TTN: variants seen among roughly 807,000 people sequenced by gnomAD.
TTN encodes titin.
Under a neutral mutation model 3,223.0 loss-of-function variants are expected in TTN, and 1,525 were observed. The observed-to-expected ratio is 0.47, with a 90% CI of 0.45 to 0.49. The LOEUF is 0.49. Ranked by LOEUF, TTN falls within the 20% of genes least tolerant of loss-of-function variation. The probability of loss-of-function intolerance (pLI) is 0.00; values close to 1 mark genes in which losing one functional copy is unlikely to be tolerated. For synonymous variants in TTN, 14,094 were observed against 15,161.0 expected (o/e 0.93, Z 5.17); for missense variants, 40,786 against 43,424.0 (o/e 0.94, Z 5.40).
chr2:178,571,989 G>T lies in TTN; in HGVS notation c.74143C>A (p.Pro24715Thr). Reference sequence around the variant, plus strand: ...TTGAACAGGAGTTTGAAGGCTGGTGGAATGACAAGATCTTTGGCGATCACT... The same window carrying T: ...TTGAACAGGAGTTTGAAGGCTGGTGTAATGACAAGATCTTTGGCGATCACT... ...VPVIAKDLVI[P>T]PAFKLLFNTF... The change falls in exon 326 of 363, where the codon CCA becomes ACA. Residue 24715 changes from proline (P) to threonine (T), a missense_variant. Transcript: ENST00000589042. 1 of 1,613,208 alleles carries T rather than the reference G, an allele frequency of 6.2e-7. No individual in the cohort carries two copies. The highest frequency in any genetic ancestry group is 1.7e-4 in the Middle Eastern group (1 of 6,052).
At chr2:178,729,968 G>A (rs779010632) in intron 62 of TTN, 23 bp from the exon 63 acceptor site, 1 of 1,603,814 alleles carries the variant, frequency 6.2e-7, no homozygotes, top group Non-Finnish European at 8.5e-7. Flanking sequence ...AAAGAATTGT[G>A]ATGTTGAATA....
chr2:178,642,436 C>CAT (rs1419855618), intron 218 of TTN, 119 bp from the exon 219 acceptor site: 3 of 752,960 alleles, frequency 4.0e-6, no homozygotes, highest in Non-Finnish European at 4.4e-6. Flanking sequence ...ATTTTCGCTG[C>CAT]ATATAAATAC....
At position 178,624,514 on chromosome 2, in the gene TTN, G is replaced by C; in HGVS notation, c.44766C>G (p.Tyr14922Ter). The C allele has an allele frequency of 6.2e-7, 1 of 1,612,708 alleles. No homozygotes were observed. Among genetic ancestry groups the C allele is most frequent in the Non-Finnish European group, 8.5e-7 (1 of 1,179,118 alleles). The change falls in exon 242 of 363, where the codon TAC becomes TAG. Residue 14922 changes from tyrosine (Y) to a stop codon, truncating the protein, a stop_gained. Coordinates refer to ENST00000589042, the MANE Select transcript of TTN (RefSeq NM_001267550.2). LOFTEE classifies it high-confidence loss of function. ...TCTTAAAATCCTTAGCATCACAAGTGTATGTTTTAATATCCTCTGGGGTAC... is the reference window on the plus strand; with the variant it reads ...TCTTAAAATCCTTAGCATCACAAGTCTATGTTTTAATATCCTCTGGGGTAC... ...HDCTPEDIKT[Y>*]TCDAKDFKTS...
rs751329439 is a variant in TTN, at chr2:178,534,344, G to GGT, written c.102269_102270dup (p.Arg34091ThrfsTer8). 11 of 1,612,358 alleles carry GGT rather than the reference G, an allele frequency of 6.8e-6. No homozygotes were observed. The highest frequency in any genetic ancestry group is 9.3e-6 in the Non-Finnish European group (11 of 1,179,808). ...TTGATCAGGGTGTGGTAATAACGCC[G>GGT]GTGTTTTAATGTTCTGATAACTTTA... On this transcript the variant is annotated frameshift_variant, in exon 358 of 363. Coordinates refer to ENST00000589042, the MANE Select transcript of TTN (RefSeq NM_001267550.2). LOFTEE classifies it high-confidence loss of function.
chr2:178,753,238 T>C, intron 46 of TTN, 58 bp from the exon 47 acceptor site: 1 of 1,337,016 alleles, frequency 7.5e-7, no homozygotes. Context: ...ATTTTCTGCA[T>C]CAATTCATGA....
chr2:178,689,881 T>C lies in TTN; in HGVS notation c.31778A>G (p.Lys10593Arg), dbSNP rs1432279234. The C allele has an allele frequency of 3.1e-6, 5 of 1,613,322 alleles. No individual in the cohort carries two copies. In the African/African-American group the frequency reaches 6.7e-5, roughly 22 times the overall value. ...AAPPKVPEVP[K>R]KPVPEEKIPV... ...AATCTTTTCTTCAGGGACAGGTTTC[T>C]TTGGCACCTCTGGGACTTAAAGTTT... is the stretch of plus-strand genomic sequence containing the variant. Residue 10593 changes from lysine to arginine, a missense_variant, in exon 122 of 363, where the codon AAG becomes AGG. Lys to Arg is a conservative substitution (Grantham distance 26). Transcript: ENST00000589042.
intron 100 of TTN, 57 bp from the exon 101 acceptor site, chr2:178,707,011 T>A (rs2075988218): frequency 6.9e-7 from 1 of 1,443,306 alleles, no homozygotes; most frequent in South Asian, 1.3e-5. Flanking sequence ...ACAATACATA[T>A]CCCCCTTTGT....
chr2:178,528,700 C>T lies in TTN; in HGVS notation c.107051G>A (p.Gly35684Glu). 1 of 1,613,578 alleles carries T rather than the reference C, an allele frequency of 6.2e-7. No individual in the cohort carries two copies. Among genetic ancestry groups the T allele is most frequent in the Non-Finnish European group, 8.5e-7 (1 of 1,179,738 alleles). ...ILTCISKTKE[G>E]IVKCQYDLTL... Reference sequence around the variant, plus strand: ...CAAATCATACTGACACTTGACGATTCCTTCCTTGGTTTTGCTTATGCAGGT... The same window carrying T: ...CAAATCATACTGACACTTGACGATTTCTTCCTTGGTTTTGCTTATGCAGGT... The change falls in exon 360 of 363, where the codon GGA becomes GAA. Residue 35684 changes from glycine to glutamate, a missense_variant. By Grantham distance (98) the Gly-to-Glu change is moderately conservative (BLOSUM62 -2). Transcript: ENST00000589042.
rs768024480 is a variant in TTN at position 178,693,645 on chromosome 2, C to T, written c.31558G>A (p.Val10520Ile). The change falls in exon 119 of 363, where the codon GTT becomes ATT. Residue 10520 changes from valine to isoleucine, a missense_variant. Transcript: ENST00000589042. ...GGTTCAACCCTTTTGGAAATGGCAA[C>T]GTGAATTTTCTCTTCAGTAACAATT... The part of the protein sequence containing the change: ...KEIVTEEKIH[V>I]AISKRVEPPP... 9 of 1,599,602 alleles carry T rather than the reference C, an allele frequency of 5.6e-6. No homozygotes were observed. Among genetic ancestry groups the T allele is most frequent in the Admixed American group, 1.7e-5 (1 of 59,428 alleles).
rs749305586 is a variant in TTN at position 178,564,609 on chromosome 2, C to T, written c.81523G>A (p.Gly27175Ser). ...GTAATAACAATGGCTTCAGGGCGAC[C>T]AGGTGGGTCACATGGATCACGAGCA... Reference protein sequence around the residue: ...FVARDPCDPPGRPEAIVITRN... With the variant: ...FVARDPCDPPSRPEAIVITRN... The change falls in exon 326 of 363, where the codon GGT (glycine) becomes AGT (serine). Residue 27175 changes from glycine (G) to serine (S), a missense_variant. Transcript: ENST00000589042. 8.1e-6 allele frequency: 13 copies of T among 1,613,356 alleles called. No homozygotes were observed. The highest frequency in any genetic ancestry group is 5.0e-5 in the Admixed American group (3 of 59,956).
chr2:178,776,125 G>A lies in TTN; in HGVS notation c.5739C>T (p.Thr1913=), dbSNP rs530291008. ...CTATCACACCTTCAGGATTTTCCGCGGTGACCTTCACTTCACCTGTGTCAT... is the reference window on the plus strand; with the variant it reads ...CTATCACACCTTCAGGATTTTCCGCAGTGACCTTCACTTCACCTGTGTCAT... ...KSYDTGEVKV[T]AENPEGVIEH... Residue 1913 remains threonine (T), a synonymous_variant, in exon 28 of 363, where the codon ACC becomes ACT. Transcript: ENST00000589042. 18 of 1,613,902 alleles carry A rather than the reference G, an allele frequency of 1.1e-5. No homozygotes were observed. The highest frequency in any genetic ancestry group is 2.2e-5 in the East Asian group (1 of 44,882).
At chr2:178,747,841 G>T in intron 47 of TTN, 1 of 1,612,930 alleles carries the variant, frequency 6.2e-7, no homozygotes, top group Non-Finnish European at 8.5e-7. Flanking sequence ...CTTCTCCAGA[G>T]GCATGAATGT....
chr2:178,575,381 G>A lies in TTN; in HGVS notation c.70751C>T (p.Thr23584Ile), dbSNP rs1444861045. 1 of 1,613,446 alleles carries A rather than the reference G, an allele frequency of 6.2e-7. No homozygotes were observed. The highest frequency in any genetic ancestry group is 8.5e-7 in the Non-Finnish European group (1 of 1,179,670). Residue 23584 changes from threonine to isoleucine, a missense_variant, in exon 326 of 363, where the codon ACC (threonine) becomes ATC (isoleucine). Coordinates refer to ENST00000589042, the MANE Select transcript of TTN (RefSeq NM_001267550.2). This position sits in a 1 kb window ranked among gnomAD's most constrained non-coding sequence, Gnocchi z 4.0. Reference sequence around the variant, plus strand: ...CACAACACATTCTAACCCTTTCACGGTTGTGATGTGGGTCCACTGGTCAGA... The same window carrying A: ...CACAACACATTCTAACCCTTTCACGATTGTGATGTGGGTCCACTGGTCAGA... The part of the protein sequence containing the change: ...KGSDQWTHIT[T>I]VKGLECVVRN...
intron 218 of TTN, chr2:178,644,338 A>C (rs1372378583): frequency 2.3e-6 from 1 of 429,356 alleles, no homozygotes. Context: ...ACAAAGATAG[A>C]CCATGTCTAT....
In TTN at chr2:178,664,498, A is replaced by AC; in HGVS notation, c.36241dup (p.Val12081GlyfsTer8). The AC allele has an allele frequency of 6.2e-7, 1 of 1,612,364 alleles. No individual in the cohort carries two copies. The highest frequency in any genetic ancestry group is 8.5e-7 in the Non-Finnish European group (1 of 1,179,532). On this transcript the variant is annotated frameshift_variant, in exon 168 of 363. Transcript: ENST00000589042. LOFTEE classifies it high-confidence loss of function. ...AACTTCAGCCCTTTGGGGAGGATGC[A>AC]CTTTCTTTTCCGGGACAACTTCTCT...
rs1433903188 is a variant in TTN at position 178,764,586 on chromosome 2, G to A, written c.9929C>T (p.Thr3310Ile). Residue 3310 changes from threonine to isoleucine, a missense_variant, in exon 42 of 363, where the codon ACC becomes ATC. By Grantham distance (89) the Thr-to-Ile change is moderately conservative. Coordinates refer to ENST00000589042, the MANE Select transcript of TTN (RefSeq NM_001267550.2). ...ACCATAGTCATTCTTGGCTTCACAG[G>A]TATAGACTGCCGCATCCTCTGGGAA... ...EAFPEDAAVY[T>I]CEAKNDYGVA... The A allele has an allele frequency of 4.3e-6, 7 of 1,614,018 alleles. No homozygotes were observed. Among genetic ancestry groups the A allele is most frequent in the South Asian group, 1.1e-5 (1 of 91,086 alleles).
In TTN at chr2:178,548,909, T is replaced by C; in HGVS notation, c.92717A>G (p.Asp30906Gly). The change falls in exon 339 of 363, where the codon GAC becomes GGC. Residue 30906 changes from aspartate to glycine, a missense_variant. Coordinates refer to ENST00000589042, the MANE Select transcript of TTN (RefSeq NM_001267550.2). This position sits in a 1 kb window ranked among gnomAD's most constrained non-coding sequence, Gnocchi z 4.3. ...VSAINGAGKG[D>G]SCEVTGTIKA... ...AATTGTGCCAGTCACTTCACAGCTG[T>C]CGCCTTTTCCAGCACCATTGATAGC... The C allele has an allele frequency of 6.2e-7, 1 of 1,613,888 alleles. No homozygotes were observed.
At position 178,547,222 on chromosome 2, in the gene TTN, C is replaced by T. The variant is rs367771286; in HGVS notation, c.94303G>A (p.Asp31435Asn). Reference protein sequence around the residue: ...MSIRWEEPYHDGGSKIIGYWV... With the variant: ...MSIRWEEPYHNGGSKIIGYWV... ...TAGCCAATGATTTTACTGCCACCAT[C>T]GTGGTAGGGTTCTTCCCAACGAATA... The change falls in exon 340 of 363, where the codon GAT becomes AAT. Residue 31435 changes from aspartate to asparagine, a missense_variant. Coordinates refer to ENST00000589042, the MANE Select transcript of TTN (RefSeq NM_001267550.2). 6.4e-5 allele frequency: 104 copies of T among 1,613,706 alleles called. No homozygotes were observed. The highest frequency in any genetic ancestry group is 8.0e-5 in the African/African-American group (6 of 74,910).
Position 178,533,323 on chromosome 2 carries a change from G to A in TTN, c.103292C>T (p.Thr34431Met), listed in dbSNP as rs192001910. 9.2e-4 allele frequency: 1,478 copies of A among 1,613,770 alleles called. 1 individual carries two copies. The highest frequency in any genetic ancestry group is 1.1e-3 in the Non-Finnish European group (1,334 of 1,179,858). The change falls in exon 358 of 363, where the codon ACG becomes ATG. Residue 34431 changes from threonine to methionine, a missense_variant. Transcript: ENST00000589042. Reference protein sequence around the residue: ...LHIRDTLPEDTGYYRVTATNT... With the variant: ...LHIRDTLPEDMGYYRVTATNT... ...AGTGGCTGTGACTCTATAATAACCC[G>A]TGTCTTCAGGCAAAGTGTCCCTGAT...
Sources: gnomAD v4.1 joint callset for allele counts on GRCh38, gnomAD v4.1.1 for gene constraint, Gnocchi (gnomAD v3.1) non-coding constraint, MANE v1.5 for transcripts, NCBI Gene and HGNC (gene_info 2026-07-23, HGNC 2026-07-21) for gene names.